The following MICU2 variants were observed in gnomAD, a reference collection of about 807,000 sequenced individuals.
MICU2 encodes calcium uptake protein 2, mitochondrial.
A neutral mutation model predicts 60.4 loss-of-function variants in MICU2; 64 were observed. The ratio of observed to expected loss-of-function variants is 1.06; its 90% CI spans 0.87 to 1.31. The LOEUF is 1.31. Among genes scored for constraint, MICU2 ranks in the 50% most tolerant of loss-of-function variants. The pLI is 0.00. For synonymous variants in MICU2, 201 were observed against 175.0 expected (o/e 1.15, Z -1.17); for missense variants, 569 against 531.0 (o/e 1.07, Z -0.70).
At chr13:21,526,291 C>T (rs568587041) in intron 4 of MICU2, among the ~76,000 whole-genome samples, 1 of 151,898 alleles carries the variant, frequency 6.6e-6, no homozygotes, top group East Asian at 1.9e-4. Flanking sequence ...TATACGTTTT[C>T]TCCCTTGTCT....
At position 21,539,583 on chromosome 13, in the gene MICU2, C is replaced by T; in HGVS notation, c.390+74G>A. ...AAAGTGCTGGGATTACAGGTGTGAG[C>T]CACCGTGCCCGGCCAAAAGTTCATT... On this transcript the variant is annotated intron_variant, in intron 3 of 11. Coordinates refer to ENST00000382374, the MANE Select transcript of MICU2 (RefSeq NM_152726.3). 5.0e-6 allele frequency: 8 copies of T among 1,584,436 alleles called. No individual in the cohort carries two copies. In the South Asian group the frequency reaches 5.5e-5, roughly 11 times the overall value.
chr13:21,546,949 TTC>T (rs1566155646), intron 2 of MICU2, among the ~76,000 whole-genome samples: 1 of 152,186 alleles, frequency 6.6e-6, no homozygotes, highest in South Asian at 2.1e-4. Flanking sequence ...ACAGCTTTAT[TTC>T]TCTCTTTTAA....
chr13:21,536,359 G>A (rs1394848004), intron 4 of MICU2, among the ~76,000 whole-genome samples: 5 of 149,498 alleles, frequency 3.3e-5, no homozygotes, highest in South Asian at 4.2e-4. Context: ...TTTGAGACAC[G>A]GTCTTGCTCT....
chr13:21,539,314 G>A lies in MICU2; in HGVS notation c.454C>T (p.Leu152Phe). Residue 152 changes from leucine (L) to phenylalanine (F), a missense_variant, in exon 4 of 12, where the codon CTT becomes TTT. Transcript: ENST00000382374. ...AGCGSTFFRD[L>F]GDKGLISYTE... is the part of the protein sequence containing the mutation. The stretch of plus-strand genomic sequence containing the variant: ...AAACCAAAATTACCTTTATCGCCAA[G>A]GTCTCTGAAAAAAGTTGATCCACAG... 6.2e-7 allele frequency: 1 copy of A among 1,613,838 alleles called. No individual in the cohort carries two copies. The highest frequency in any genetic ancestry group is 8.5e-7 in the Non-Finnish European group (1 of 1,179,934).
chr13:21,587,587 C>A (rs1888486240), intron 1 of MICU2, among the ~76,000 whole-genome samples: 1 of 152,204 alleles, frequency 6.6e-6, no homozygotes, highest in South Asian at 2.1e-4. Context: ...TTTAAAACTG[C>A]AAATGCAAGT....
chr13:21,504,057 T>C (rs1725021869), intron 8 of MICU2, among the ~76,000 whole-genome samples: 1 of 152,182 alleles, frequency 6.6e-6, no homozygotes, highest in Non-Finnish European at 1.5e-5. Context: ...GTCTACATGG[T>C]AGGCAAGAGT....
chr13:21,587,626 A>G (rs1888487359), intron 1 of MICU2, among the ~76,000 whole-genome samples: 1 of 152,238 alleles, frequency 6.6e-6, no homozygotes, highest in Admixed American at 6.5e-5. Context: ...AATGGATTAT[A>G]GATCGGAGGA....
chr13:21,519,101 G>A (rs1394152768), intron 6 of MICU2, among the ~76,000 whole-genome samples: 2 of 152,068 alleles, frequency 1.3e-5, no homozygotes, highest in Non-Finnish European at 2.9e-5. Flanking sequence ...TTGAGACAGA[G>A]TTTCGCTTGC....
intron 1 of MICU2, among the ~76,000 whole-genome samples, chr13:21,591,796 G>A (rs1417093804): frequency 6.6e-6 from 1 of 151,942 alleles, no homozygotes; most frequent in Non-Finnish European, 1.5e-5. Context: ...AGAAATTAAG[G>A]GAGAAATCAA....
chr13:21,538,712 G>C (rs1436759162), intron 4 of MICU2, among the ~76,000 whole-genome samples: 1 of 152,108 alleles, frequency 6.6e-6, no homozygotes, highest in African/African-American at 2.4e-5. Context: ...GATGTTTGTA[G>C]GTTATACGCA....
chr13:21,525,135 C>T lies in MICU2; in HGVS notation c.467-2485G>A, dbSNP rs945540976. Reference sequence around the variant, plus strand: ...TGCTTTCATTTCTTTTGGGTATATACCCAGAAGCAGAACTGCTGCATCATA... The same window carrying T: ...TGCTTTCATTTCTTTTGGGTATATATCCAGAAGCAGAACTGCTGCATCATA... On this transcript the variant is annotated intron_variant, in intron 4 of 11. Coordinates refer to ENST00000382374, the MANE Select transcript of MICU2 (RefSeq NM_152726.3). Among the ~76,000 whole-genome samples, 3 of 151,424 alleles carry T rather than the reference C, an allele frequency of 2.0e-5. No homozygotes were observed. In the South Asian group the frequency reaches 6.2e-4, roughly 32 times the overall value.
intron 1 of MICU2, among the ~76,000 whole-genome samples, chr13:21,570,583 T>C (rs1046908251): frequency 3.3e-5 from 5 of 152,208 alleles, no homozygotes; most frequent in Non-Finnish European, 5.9e-5. Context: ...TAAAAGTCTG[T>C]TTTTTGTCTA....
At chr13:21,510,124 T>G (rs760455273) in intron 7 of MICU2, 23 bp from the exon 8 acceptor site, 8 of 1,166,748 alleles carry the variant, frequency 6.9e-6, no homozygotes, top group African/African-American at 1.6e-5. Flanking sequence ...TCACAATAAT[T>G]TAAAATAATT....
intron 1 of MICU2, among the ~76,000 whole-genome samples, chr13:21,600,104 A>C (rs1229680082): frequency 6.6e-6 from 1 of 152,222 alleles, no homozygotes; most frequent in Non-Finnish European, 1.5e-5. Flanking sequence ...AATTCTATGC[A>C]TGGACATATG....
intron 2 of MICU2, among the ~76,000 whole-genome samples, chr13:21,546,636 C>T (rs886555440): frequency 6.6e-6 from 1 of 152,110 alleles, no homozygotes; most frequent in African/African-American, 2.4e-5. Context: ...AAGCTAAGTG[C>T]CAAGGCTAGT....
chr13:21,579,048 T>C (rs934170568), intron 1 of MICU2, among the ~76,000 whole-genome samples: 7 of 152,218 alleles, frequency 4.6e-5, no homozygotes, highest in Non-Finnish European at 8.8e-5. Context: ...TAGTGGAGTT[T>C]TTCAGCTTCA....
chr13:21,574,063 G>A (rs1344861949), intron 1 of MICU2, among the ~76,000 whole-genome samples: 5 of 152,226 alleles, frequency 3.3e-5, no homozygotes, highest in African/African-American at 1.2e-4. Context: ...ACTGGCAGGA[G>A]AAGCAGCTGC....
At chr13:21,536,235 CAA>C (rs1460816082) in intron 4 of MICU2, among the ~76,000 whole-genome samples, 1 of 152,084 alleles carries the variant, frequency 6.6e-6, no homozygotes, top group African/African-American at 2.4e-5. Context: ...TATCAATAAA[CAA>C]TAACTGATTA....
At chr13:21,530,797 G>T in intron 4 of MICU2, 1 of 684,310 alleles carries the variant, frequency 1.5e-6, no homozygotes, top group Non-Finnish European at 2.6e-6. Context: ...ACCAGGAAGA[G>T]ATGGCGGCCG....
Sources: allele counts gnomAD v4.1 joint callset (sites outside exome capture counted in the v4.1 genomes callset), GRCh38; gene constraint gnomAD v4.1.1; transcripts MANE v1.5; gene names NCBI Gene and HGNC (gene_info 2026-07-23, HGNC 2026-07-21).